The following CNTNAP2 variants were observed in gnomAD, a reference collection of about 807,000 sequenced individuals.
The protein encoded by CNTNAP2 is contactin-associated protein-like 2.
In CNTNAP2, 98 loss-of-function variants were observed where a neutral mutation model predicts 155.2. The ratio of observed to expected loss-of-function variants is 0.63; its 90% confidence interval spans 0.54 to 0.75. The LOEUF (loss-of-function observed/expected upper bound fraction) is 0.75, where lower values mean the gene tolerates loss of function less well. CNTNAP2 is among the 30% of genes least tolerant of loss of function. The pLI is 0.00. For missense variants in CNTNAP2, 1,727 were observed against 1,688.1 expected (o/e 1.02, Z -0.40); for synonymous variants, 651 against 631.2 (o/e 1.03, Z -0.47).
chr7:146,269,019 C>A (rs1231481290), intron 1 of CNTNAP2, among the ~76,000 whole-genome samples: 1 of 152,120 alleles, frequency 6.6e-6, no homozygotes, highest in African/African-American at 2.4e-5. Context: ...TTCTTCATAG[C>A]AGTTCACAAA....
intron 14 of CNTNAP2, among the ~76,000 whole-genome samples, chr7:147,919,111 GA>G (rs1480481590): frequency 2.6e-5 from 4 of 152,080 alleles, no homozygotes; most frequent in African/African-American, 9.7e-5. Context: ...GGTGGAGGAA[GA>G]AATCCATGAA....
At chr7:148,287,243 T>C (rs79347190) in intron 21 of CNTNAP2, among the ~76,000 whole-genome samples, 1 of 152,264 alleles carries the variant, frequency 6.6e-6, no homozygotes, top group South Asian at 2.1e-4. Flanking sequence ...CTTCAGGTCA[T>C]GGCTTGATAG....
rs545595146 is a variant in CNTNAP2 at position 146,901,038 on chromosome 7, A to G, written c.402+61134A>G. The stretch of plus-strand genomic sequence containing the variant: ...CTATTCTGATTAAAGTAGTAATAAT[A>G]ATAATAATAATAATAATAATGTTTC... On this transcript the variant is annotated intron_variant, in intron 3 of 23. Transcript: ENST00000361727. Among the ~76,000 whole-genome samples the G allele has an allele frequency of 5.9e-4, 89 of 151,592 alleles. 1 individual carries two copies. The highest frequency in any genetic ancestry group is 2.0e-3 in the African/African-American group (82 of 41,362).
chr7:148,339,498 A>G (rs922072137), intron 21 of CNTNAP2: 3 of 152,106 alleles, frequency 2.0e-5, no homozygotes, highest in African/African-American at 7.2e-5. Context: ...GGTGGACTCA[A>G]AGCTGCCCGC....
chr7:148,086,064 C>G (rs376044894), intron 15 of CNTNAP2, among the ~76,000 whole-genome samples: 5 of 152,126 alleles, frequency 3.3e-5, no homozygotes, highest in Non-Finnish European at 5.9e-5. Flanking sequence ...TATGAAACAA[C>G]CTTCAGATGT....
intron 13 of CNTNAP2, among the ~76,000 whole-genome samples, chr7:147,780,527 T>G (rs935716496): frequency 6.6e-6 from 1 of 152,198 alleles, no homozygotes; most frequent in Admixed American, 6.5e-5. Context: ...GTTTCCCATC[T>G]GCTGGTCCTT....
At chr7:147,211,508 C>T (rs1803145260) in intron 8 of CNTNAP2, among the ~76,000 whole-genome samples, 1 of 151,978 alleles carries the variant, frequency 6.6e-6, no homozygotes, top group South Asian at 2.1e-4. Context: ...AGAAATAAAG[C>T]CACACACCTC....
intron 3 of CNTNAP2, among the ~76,000 whole-genome samples, chr7:146,931,267 T>G (rs1796750348): frequency 6.6e-6 from 1 of 151,866 alleles, no homozygotes; most frequent in Non-Finnish European, 1.5e-5. Flanking sequence ...AAACCAGAAA[T>G]CAGGATTAAG....
intron 9 of CNTNAP2, among the ~76,000 whole-genome samples, chr7:147,318,896 A>G (rs765171374): frequency 1.3e-5 from 2 of 152,286 alleles, no homozygotes; most frequent in Non-Finnish European, 1.5e-5. Flanking sequence ...TTAGAAAAGC[A>G]TGTCTTTAAT....
At chr7:147,576,442 C>T (rs1056883594) in intron 12 of CNTNAP2, among the ~76,000 whole-genome samples, 1 of 152,124 alleles carries the variant, frequency 6.6e-6, no homozygotes, top group Non-Finnish European at 1.5e-5. Flanking sequence ...CTTTTAGGTG[C>T]TCCAACTTGT....
At chr7:147,095,565 C>T (rs913318839) in intron 4 of CNTNAP2, among the ~76,000 whole-genome samples, 1 of 151,680 alleles carries the variant, frequency 6.6e-6, no homozygotes, top group African/African-American at 2.4e-5. Context: ...TATTTCAAAT[C>T]TCAGTGAATA....
intron 21 of CNTNAP2, among the ~76,000 whole-genome samples, chr7:148,277,583 A>G (rs1013405476): frequency 1.5e-5 from 2 of 132,204 alleles, no homozygotes; most frequent in African/African-American, 2.7e-5. Flanking sequence ...ATGTTAGTAC[A>G]GGACCGCCCC....
At chr7:146,461,246 C>CAA (rs200727378) in intron 1 of CNTNAP2, among the ~76,000 whole-genome samples, 1 of 150,040 alleles carries the variant, frequency 6.7e-6, no homozygotes, top group African/African-American at 2.4e-5. Context: ...ACTAAAAATA[C>CAA]AAAAAAAAAT....
intron 4 of CNTNAP2, among the ~76,000 whole-genome samples, chr7:147,078,717 C>T (rs758264569): frequency 3.2e-4 from 49 of 151,564 alleles, no homozygotes; most frequent in South Asian, 4.2e-4. Context: ...AGTCTAATTT[C>T]TAATATTGAA....
At chr7:147,937,986 C>T (rs953779582) in intron 14 of CNTNAP2, among the ~76,000 whole-genome samples, 5 of 152,062 alleles carry the variant, frequency 3.3e-5, no homozygotes, top group Admixed American at 2.6e-4. Flanking sequence ...CAGGGGCAGT[C>T]CTCAAAAGTT....
intron 1 of CNTNAP2, among the ~76,000 whole-genome samples, chr7:146,408,126 C>T (rs1795818329): frequency 6.6e-6 from 1 of 151,974 alleles, no homozygotes. Flanking sequence ...CCATTTTGTT[C>T]AAAGGTCAAC....
At chr7:147,804,597 A>G (rs1435371587) in intron 13 of CNTNAP2, among the ~76,000 whole-genome samples, 2 of 151,880 alleles carry the variant, frequency 1.3e-5, no homozygotes, top group Non-Finnish European at 2.9e-5. Context: ...TTTGTCACCC[A>G]GACTGGAGTA....
At chr7:147,076,247 A>G (rs546186753) in intron 4 of CNTNAP2, among the ~76,000 whole-genome samples, 1 of 152,326 alleles carries the variant, frequency 6.6e-6, no homozygotes, top group East Asian at 1.9e-4. Flanking sequence ...CAGTCCCACC[A>G]ACAGTGTAAA....
intron 4 of CNTNAP2, among the ~76,000 whole-genome samples, chr7:147,057,616 G>A (rs1025989869): frequency 6.6e-6 from 1 of 152,158 alleles, no homozygotes; most frequent in African/African-American, 2.4e-5. Context: ...AATACTAGAA[G>A]TGCATCATAT....
Sources: gnomAD v4.1 joint callset for allele counts (sites outside exome capture counted in the v4.1 genomes callset) on GRCh38, gnomAD v4.1.1 for gene constraint, MANE v1.5 for transcripts, NCBI Gene and HGNC (gene_info 2026-07-23, HGNC 2026-07-21) for gene names.